Variants in NTRK1 observed in about 807,000 individuals in gnomAD.
NTRK1 encodes neurotrophic receptor tyrosine kinase 1.
Under a neutral mutation model 86.8 loss-of-function variants are expected in NTRK1, and 62 were observed. That is an observed-to-expected ratio of 0.71 (90% confidence interval 0.58 to 0.88). The LOEUF is 0.88. Among genes scored for constraint, NTRK1 ranks in the 40% least tolerant of loss-of-function variants. The pLI, the probability that NTRK1 is intolerant of heterozygous loss-of-function variation, is 0.00. For missense variants in NTRK1, 967 were observed against 1,078.4 expected (o/e 0.90, Z 1.45); for synonymous variants, 469 against 456.6 (o/e 1.03, Z -0.35).
chr1:156,870,015 G>T, intron 6 of NTRK1, among the ~76,000 whole-genome samples: 1 of 152,222 alleles, frequency 6.6e-6, no homozygotes, highest in Non-Finnish European at 1.5e-5. Context: ...ATGCCACTGG[G>T]GCGCTGAGCA....
intron 1 of NTRK1, among the ~76,000 whole-genome samples, chr1:156,863,496 A>T (rs1655777903): frequency 6.6e-6 from 1 of 150,628 alleles, no homozygotes; most frequent in Admixed American, 6.6e-5. Context: ...GCCTCCTCTC[A>T]TTGCTCCTCT....
At chr1:156,843,569 G>A in intron 2 of NTRK1, 1 of 1,365,482 alleles carries the variant, frequency 7.3e-7, no homozygotes, top group Non-Finnish European at 1.0e-6. Context: ...TTTCAAGGAG[G>A]AGGGAAGTTA....
At chr1:156,870,822 G>A (rs556795920) in intron 6 of NTRK1, among the ~76,000 whole-genome samples, 32 of 152,310 alleles carry the variant, frequency 2.1e-4, no homozygotes, top group Admixed American at 1.9e-3. Flanking sequence ...AGTTCAGCAA[G>A]ATGAAGAATT....
chr1:156,851,522 T>C, intron 2 of NTRK1: 1 of 1,600,008 alleles, frequency 6.2e-7, no homozygotes, highest in Non-Finnish European at 8.6e-7. Context: ...CCCGGGAAGG[T>C]GGGCCCTCAG....
In NTRK1 at chr1:156,881,585, CGCCCGGCTGCAA is replaced by C; in HGVS notation, c.2339_2350del (p.Arg780_Ala783del). ...AACGCCACAGCATCAAGGATGTGCA[CGCCCGGCTGCAA>C]GCCCTGGCCCAGGCACCTCCTGTCT... On this transcript the variant is annotated inframe_deletion, in exon 17 of 17. Coordinates refer to ENST00000524377, the MANE Select transcript of NTRK1 (RefSeq NM_002529.4). The C allele has an allele frequency of 6.2e-7, 1 of 1,611,482 alleles. No individual in the cohort carries two copies. Among genetic ancestry groups the C allele is most frequent in the South Asian group, 1.1e-5 (1 of 90,526 alleles).
At chr1:156,819,647 G>GTAGC (rs1484083416) in intron 1 of NTRK1, among the ~76,000 whole-genome samples, 1 of 151,968 alleles carries the variant, frequency 6.6e-6, no homozygotes, top group Non-Finnish European at 1.5e-5. Flanking sequence ...AGCTTCCTGA[G>GTAGC]TAGCTGGGAT....
chr1:156,846,908 G>C (rs757901641), intron 2 of NTRK1: 4 of 647,546 alleles, frequency 6.2e-6, no homozygotes, highest in South Asian at 3.7e-5. Flanking sequence ...CCTTGGCAAG[G>C]GGGGGCGGAG....
At chr1:156,856,656 A>G (rs972193709), upstream of NTRK1, among the ~76,000 whole-genome samples, 2 of 152,062 alleles carry the variant, frequency 1.3e-5, no homozygotes, top group Non-Finnish European at 2.9e-5. Context: ...AAATTGTTGT[A>G]TACATCTCTG....
intron 1 of NTRK1, among the ~76,000 whole-genome samples, chr1:156,818,807 A>G (rs2102830903): frequency 6.6e-6 from 1 of 152,352 alleles, no homozygotes; most frequent in Middle Eastern, 3.4e-3. Context: ...TCTTTTTAAT[A>G]GAATGACTTC....
rs184296464 is a variant in NTRK1 at position 156,867,691 on chromosome 1, C to T, written c.429-413C>T. Among the ~76,000 whole-genome samples the T allele has an allele frequency of 4.9e-4, 73 of 147,798 alleles. No individual in the cohort carries two copies. In the East Asian group the frequency reaches 0.013, roughly 27 times the overall value. On this transcript the variant is annotated intron_variant, in intron 4 of 16. Coordinates refer to ENST00000524377, the MANE Select transcript of NTRK1 (RefSeq NM_002529.4). ...CTTTTCTTTTTTTTTTTTTATGAGACGGAGTCTCGCTCTGTCACCCAGGCT... is the reference window on the plus strand; with the variant it reads ...CTTTTCTTTTTTTTTTTTTATGAGATGGAGTCTCGCTCTGTCACCCAGGCT...
Position 156,854,415 on chromosome 1 carries a change from C to A in NTRK1, c.51-9939C>A. Reference sequence around the variant, plus strand: ...TGGCAGTAGGACAATGAGTGAGGAGCCGGGCTCTGCTCTGGGTGTGGGGTG... The same window carrying A: ...TGGCAGTAGGACAATGAGTGAGGAGACGGGCTCTGCTCTGGGTGTGGGGTG... On this transcript the variant is annotated intron_variant, in intron 2 of 16. Transcript: ENST00000392302. This position sits in a 1 kb window ranked among gnomAD's most constrained non-coding sequence, Gnocchi z 4.2. 8.7e-7 allele frequency: 1 copy of A among 1,146,924 alleles called. No individual in the cohort carries two copies. The highest frequency in any genetic ancestry group is 1.2e-6 in the Non-Finnish European group (1 of 823,444). 71.0% of individuals were successfully genotyped at this position (1,146,924 alleles called of 1,614,324 possible).
At position 156,846,210 on chromosome 1, in the gene NTRK1, C is replaced by T. The variant is rs550517546; in HGVS notation, c.50+4017C>T. On this transcript the variant is annotated intron_variant, in intron 2 of 16. Coordinates refer to the NTRK1 transcript ENST00000392302. ...AGCCCTCCTTTCTGGGGTCCAACAG[C>T]CTTGTTCTCCCAAAGAATAGGTGAT... The T allele has an allele frequency of 6.9e-6, 9 of 1,313,218 alleles. No individual in the cohort carries two copies. The East Asian group carries it at 1.2e-4, about 17-fold the overall frequency. The allele number at this position is 1,313,218 out of a possible 1,614,324, so 81.3% of individuals were successfully genotyped here.
upstream of NTRK1, among the ~76,000 whole-genome samples, chr1:156,860,605 G>C (rs1307556469): frequency 3.3e-5 from 5 of 152,198 alleles, no homozygotes; most frequent in Admixed American, 3.3e-4. Flanking sequence ...GAGAAATAAC[G>C]TATCAGCTTC....
chr1:156,815,962 G>A, intron 1 of NTRK1: 1 of 1,557,254 alleles, frequency 6.4e-7, no homozygotes. Context: ...GGGTGGGAGA[G>A]ATGAGGGAGC....
rs1051930273 is a variant in NTRK1, at chr1:156,816,544, T to C, written c.-64+706T>C. On this transcript the variant is annotated intron_variant, in intron 1 of 16. Coordinates refer to the NTRK1 transcript ENST00000392302. Reference sequence around the variant, plus strand: ...GGCAGGGTTGTGGTCACCCTGCCAATCAGCTTTGCCAGCTCTGGCTTAGGG... The same window carrying C: ...GGCAGGGTTGTGGTCACCCTGCCAACCAGCTTTGCCAGCTCTGGCTTAGGG... 10 of 776,346 alleles carry C rather than the reference T, an allele frequency of 1.3e-5. No individual in the cohort carries two copies. In the South Asian group the frequency reaches 1.9e-4, roughly 14 times the overall value. The allele number at this position is 776,346 out of a possible 1,614,324, so 48.1% of individuals were successfully genotyped here.
chr1:156,816,394 T>C (rs1230657331), intron 1 of NTRK1, among the ~76,000 whole-genome samples: 1 of 152,182 alleles, frequency 6.6e-6, no homozygotes, highest in Non-Finnish European at 1.5e-5. Flanking sequence ...CAGGCCCTTC[T>C]TCTGGTCCAG....
intron 1 of NTRK1, 73 bp from the exon 2 acceptor site, chr1:156,864,281 G>A: frequency 2.8e-6 from 4 of 1,419,938 alleles, no homozygotes; most frequent in East Asian, 2.3e-5. Flanking sequence ...TGTATTGTGA[G>A]GGAGTAAGTG....
At chr1:156,866,284 C>G (rs191120568) in intron 3 of NTRK1, among the ~76,000 whole-genome samples, 2 of 152,242 alleles carry the variant, frequency 1.3e-5, no homozygotes, top group Non-Finnish European at 1.5e-5. Context: ...GCACAGGGCA[C>G]TGGGGCTCCT....
At position 156,854,210 on chromosome 1, in the gene NTRK1, A is replaced by G; in HGVS notation, c.51-10144A>G. 1.2e-6 allele frequency: 2 copies of G among 1,614,074 alleles called. No homozygotes were observed. The highest frequency in any genetic ancestry group is 1.7e-6 in the Non-Finnish European group (2 of 1,180,038). Reference sequence around the variant, plus strand: ...GAAGTCCTCCCCGGTGGCTGTGAACATGAGCAGGATCTGCAGGTGGCCCTC... The same window carrying G: ...GAAGTCCTCCCCGGTGGCTGTGAACGTGAGCAGGATCTGCAGGTGGCCCTC... On this transcript the variant is annotated intron_variant, in intron 2 of 16. Coordinates refer to the NTRK1 transcript ENST00000392302. The surrounding 1 kb of genome is among the most constrained non-coding windows in gnomAD (Gnocchi z 4.2).
Sources: allele counts gnomAD v4.1 joint callset (sites outside exome capture counted in the v4.1 genomes callset), GRCh38; gene constraint gnomAD v4.1.1; non-coding constraint Gnocchi (gnomAD v3.1); transcripts MANE v1.5; gene names NCBI Gene and HGNC (gene_info 2026-07-23, HGNC 2026-07-21).